DYSF: variants seen among roughly 807,000 people sequenced by gnomAD.
DYSF encodes dystrophy-associated fer-1-like 1.
Under a neutral mutation model 274.9 loss-of-function variants are expected in DYSF, and 212 were observed. The observed-to-expected ratio is 0.77, with a 90% CI of 0.69 to 0.86. The LOEUF is 0.86. Among genes scored for constraint, DYSF ranks in the 40% least tolerant of loss-of-function variants. The pLI is 0.00. For synonymous variants in DYSF, 1,091 were observed against 1,078.7 expected (o/e 1.01, Z -0.22); for missense variants, 2,666 against 2,783.2 (o/e 0.96, Z 0.95).
intron 30 of DYSF, 108 bp downstream of exon 30, chr2:71,574,479 G>A: frequency 1.9e-5 from 26 of 1,375,294 alleles, no homozygotes; most frequent in Non-Finnish European, 2.6e-5. Context: ...AGGACTTTTG[G>A]ATGGAACGCT....
Position 71,679,051 on chromosome 2 carries a change from T to A in DYSF, c.5885-6T>A. ...CCCTTGGCCAAAAACTACCTCTCTG[T>A]TGCAGGCTCCCTGCAGCTCGATCTC... On this transcript the variant is annotated splice_polypyrimidine_tract_variant and splice_region_variant and intron_variant, in intron 52 of 55. Coordinates refer to ENST00000410020, the MANE Select transcript of DYSF (RefSeq NM_001130987.2). 6.2e-7 allele frequency: 1 copy of A among 1,613,864 alleles called. No homozygotes were observed. The highest frequency in any genetic ancestry group is 1.1e-5 in the South Asian group (1 of 91,076).
chr2:71,616,839 T>C (rs908256765), intron 40 of DYSF, among the ~76,000 whole-genome samples: 1 of 152,216 alleles, frequency 6.6e-6, no homozygotes, highest in African/African-American at 2.4e-5. Context: ...TTTTTAGGTT[T>C]CTCTTTCTGT....
chr2:71,577,566 C>T (rs942072857), intron 30 of DYSF, among the ~76,000 whole-genome samples: 3 of 150,832 alleles, frequency 2.0e-5, no homozygotes, highest in East Asian at 1.9e-4. Flanking sequence ...ACACACATAC[C>T]CTCACACACA....
chr2:71,605,031 G>T (rs1441419954), intron 36 of DYSF, among the ~76,000 whole-genome samples: 3 of 152,226 alleles, frequency 2.0e-5, no homozygotes, highest in Non-Finnish European at 4.4e-5. Context: ...TGAGGCTGTT[G>T]CATGGTGTGT....
intron 34 of DYSF, 124 bp from the exon 35 acceptor site, chr2:71,601,375 C>T (rs2093546527): frequency 6.0e-6 from 8 of 1,323,032 alleles, no homozygotes; most frequent in Non-Finnish European, 8.7e-6. Context: ...CCCTTCTACC[C>T]TCAAGGAATA....
At chr2:71,557,064 C>G (rs570407937) in intron 22 of DYSF, among the ~76,000 whole-genome samples, 166 of 152,316 alleles carry the variant, frequency 1.1e-3, no homozygotes, top group African/African-American at 3.4e-3. Flanking sequence ...GAATTCCAGA[C>G]AGGCCATTCA....
chr2:71,516,585 T>C (rs2086682249), intron 9 of DYSF, among the ~76,000 whole-genome samples: 1 of 152,204 alleles, frequency 6.6e-6, no homozygotes, highest in Admixed American at 6.5e-5. Flanking sequence ...GCAATGAACA[T>C]TTAAGGTTCC....
intron 28 of DYSF, 38 bp downstream of exon 28, chr2:71,570,372 G>A (rs1191312822): frequency 6.3e-7 from 1 of 1,598,442 alleles, no homozygotes. Context: ...CCCATCCCCG[G>A]CAAGCTCTCA....
At chr2:71,569,428 G>A (rs771209236) in intron 26 of DYSF, among the ~76,000 whole-genome samples, 6 of 152,044 alleles carry the variant, frequency 3.9e-5, no homozygotes, top group Non-Finnish European at 7.4e-5. Flanking sequence ...ACTCTGTGGT[G>A]TTTAACTTTT....
intron 41 of DYSF, among the ~76,000 whole-genome samples, chr2:71,626,251 T>G (rs77418691): frequency 6.6e-6 from 1 of 151,926 alleles, no homozygotes; most frequent in Non-Finnish European, 1.5e-5. Flanking sequence ...GTTTTACCAC[T>G]GATCATCAAA....
intron 24 of DYSF, among the ~76,000 whole-genome samples, chr2:71,566,211 T>C (rs1345563732): frequency 9.3e-6 from 1 of 107,910 alleles, no homozygotes; most frequent in African/African-American, 3.7e-5. Context: ...GAAGGCGGTC[T>C]GCGAGAGTGG....
rs1319833991 is a variant in DYSF, at chr2:71,551,157, G to C, written c.1692+1G>C. 6.2e-7 allele frequency: 1 copy of C among 1,614,082 alleles called. No individual in the cohort carries two copies. Among genetic ancestry groups the C allele is most frequent in the East Asian group, 2.2e-5 (1 of 44,884 alleles). On this transcript the variant is annotated splice_donor_variant, in intron 18 of 55. Coordinates refer to ENST00000410020, the MANE Select transcript of DYSF (RefSeq NM_001130987.2). LOFTEE classifies it high-confidence loss of function. ...CTACACAGAGCTCAACACAGGCAAG[G>C]TAAGCCGGCTGGAGCCCTGGCAAGG... is the stretch of plus-strand genomic sequence containing the variant.
At chr2:71,461,972 G>A (rs914837220), upstream of DYSF, among the ~76,000 whole-genome samples, 5 of 152,202 alleles carry the variant, frequency 3.3e-5, no homozygotes, top group Admixed American at 3.3e-4. Flanking sequence ...GAGACCCAGT[G>A]AGCTCTGGGC....
chr2:71,493,799 C>T (rs2084098910), intron 3 of DYSF, among the ~76,000 whole-genome samples: 1 of 119,796 alleles, frequency 8.3e-6, no homozygotes. Context: ...TTGCAGTGAG[C>T]TGAGATCGTG....
In DYSF at chr2:71,644,082, C is replaced by G; in HGVS notation, c.4626+19C>G. ...CCTGAAGGTAAGGCCTCTCTTCAGT[C>G]TGACAGTCGGTGTGTGTGTGCGTAC... On this transcript the variant is annotated intron_variant, in intron 42 of 55. Coordinates refer to ENST00000410020, the MANE Select transcript of DYSF (RefSeq NM_001130987.2). 6.3e-7 allele frequency: 1 copy of G among 1,594,144 alleles called. No individual in the cohort carries two copies. Among genetic ancestry groups the G allele is most frequent in the Non-Finnish European group, 8.6e-7 (1 of 1,166,824 alleles).
At position 71,481,987 on chromosome 2, in the gene DYSF, G is replaced by A; in HGVS notation, c.239+17G>A. 3.1e-6 allele frequency: 5 copies of A among 1,608,652 alleles called. No homozygotes were observed. Among genetic ancestry groups the A allele is most frequent in the South Asian group, 1.1e-5 (1 of 90,842 alleles). On this transcript the variant is annotated intron_variant, in intron 3 of 55. Coordinates refer to ENST00000410020, the MANE Select transcript of DYSF (RefSeq NM_001130987.2). ...GAGGAACAGGTAAGGTGGCCAGAGG[G>A]GGGTGCTCCATGGCTTGAAGGTGCA...
chr2:71,604,579 T>G (rs2093613802), intron 36 of DYSF, among the ~76,000 whole-genome samples: 1 of 151,854 alleles, frequency 6.6e-6, no homozygotes, highest in African/African-American at 2.4e-5. Context: ...GCAGGAGGTG[T>G]GGGTTTGAGA....
chr2:71,672,602 G>A (rs1034123729), intron 51 of DYSF, among the ~76,000 whole-genome samples: 2 of 152,200 alleles, frequency 1.3e-5, no homozygotes, highest in African/African-American at 2.4e-5. Flanking sequence ...CAGGCCAGGA[G>A]CATAATGAGC....
Position 71,612,782 on chromosome 2 carries a change from A to G in DYSF, c.4363A>G (p.Ser1455Gly). 1 of 1,613,764 alleles carries G rather than the reference A, an allele frequency of 6.2e-7. No individual in the cohort carries two copies. Among genetic ancestry groups the G allele is most frequent in the Non-Finnish European group, 8.5e-7 (1 of 1,179,736 alleles). ...SFLCDPYSAE[S>G]PSPQGGPDDV... Reference sequence around the variant, plus strand: ...CCTGTGTGACCCCTACTCGGCGGAGAGTCCATCCCCACAGGGTGGCCCAGG... The same window carrying G: ...CCTGTGTGACCCCTACTCGGCGGAGGGTCCATCCCCACAGGGTGGCCCAGG... Residue 1455 changes from serine (S) to glycine (G), a missense_variant, in exon 39 of 56, where the codon AGT becomes GGT. Coordinates refer to ENST00000410020, the MANE Select transcript of DYSF (RefSeq NM_001130987.2).
Sources: allele counts gnomAD v4.1 joint callset (sites outside exome capture counted in the v4.1 genomes callset), GRCh38; gene constraint gnomAD v4.1.1; transcripts MANE v1.5; gene names NCBI Gene and HGNC (gene_info 2026-07-23, HGNC 2026-07-21).